CD160: variants seen among roughly 807,000 people sequenced by gnomAD.
The protein encoded by CD160 is CD160 molecule, also known as CD160 antigen.
Under a neutral mutation model 19.2 loss-of-function variants are expected in CD160, and 11 were observed. That is an observed-to-expected ratio of 0.57 (90% CI 0.36 to 0.95). The LOEUF (loss-of-function observed/expected upper bound fraction) is 0.95. Ranked by LOEUF, CD160 falls within the 40% of genes least tolerant of loss-of-function variation. CD160 has a pLI of 0.01. For synonymous variants in CD160, 75 were observed against 81.1 expected (o/e 0.93, Z 0.40); for missense variants, 182 against 213.2 (o/e 0.85, Z 0.91).
chr1:145,727,315 G>A (rs1288781279), intron 2 of CD160, among the ~76,000 whole-genome samples: 2 of 147,560 alleles, frequency 1.4e-5, no homozygotes, highest in African/African-American at 5.0e-5. Context: ...ATAATATTTT[G>A]TCACATAGAT....
chr1:145,733,132 TTC>T (rs1553709644), intron 4 of CD160, among the ~76,000 whole-genome samples: 4 of 152,144 alleles, frequency 2.6e-5, no homozygotes, highest in Non-Finnish European at 1.5e-5. Flanking sequence ...ACTTTTTTTT[TTC>T]TTTTTCTTTG....
At chr1:145,738,351 C>T (rs1329414895) in intron 5 of CD160, 135 bp from the exon 6 acceptor site, 1 of 496,866 alleles carries the variant, frequency 2.0e-6, no homozygotes, top group African/African-American at 2.0e-5. Flanking sequence ...ATAGTTCCCA[C>T]TTTCCTTTTC....
chr1:145,737,369 C>T (rs1161523524), intron 5 of CD160: 1 of 152,136 alleles, frequency 6.6e-6, no homozygotes, highest in East Asian at 1.9e-4. Flanking sequence ...GCACCTCTTA[C>T]ATCCTTCACC....
At chr1:145,726,032 A>G (rs1159239726) in intron 2 of CD160, among the ~76,000 whole-genome samples, 1 of 152,186 alleles carries the variant, frequency 6.6e-6, no homozygotes, top group Non-Finnish European at 1.5e-5. Context: ...AGATATAATG[A>G]ATGATATAAA....
At chr1:145,723,569 T>C (rs1266209773) in intron 1 of CD160, among the ~76,000 whole-genome samples, 1 of 152,200 alleles carries the variant, frequency 6.6e-6, no homozygotes, top group Non-Finnish European at 1.5e-5. Flanking sequence ...CAGTGGGTCT[T>C]CACCTGTTTC....
At position 145,736,028 on chromosome 1, in the gene CD160, A is replaced by G; in HGVS notation, c.432A>G (p.Lys144=). The G allele has an allele frequency of 6.2e-7, 1 of 1,613,904 alleles. No homozygotes were observed. Among genetic ancestry groups the G allele is most frequent in the East Asian group, 2.2e-5 (1 of 44,882 alleles). The part of the protein sequence containing the change: ...ETGNYTVTGL[K]QRQHLEFSHN... ...GGAACTACACAGTGACGGGATTGAA[A>G]CAAAGACAACACCTTGAGTTCAGCC... The change falls in exon 5 of 6, where the codon AAA becomes AAG. Residue 144 remains lysine, a synonymous_variant. Transcript: ENST00000369288.
intron 1 of CD160, 41 bp from the exon 2 acceptor site, chr1:145,724,760 G>C (rs1229826979): frequency 6.6e-6 from 1 of 151,794 alleles, no homozygotes; most frequent in Non-Finnish European, 1.5e-5. Context: ...TGGTTAATTT[G>C]TGTGTGTGTG....
Position 145,728,267 on chromosome 1 carries a change from CA to C in CD160, c.-59del. On this transcript the variant is annotated 5_prime_UTR_variant, in exon 3 of 6. Coordinates refer to ENST00000369288, the MANE Select transcript of CD160 (RefSeq NM_007053.4). Reference sequence around the variant, plus strand: ...CCCTGTGCTTTTAGGAGACTGAAGCCAAGGATACCAGCAGAGCCAACATTTG... The same window carrying C: ...CCCTGTGCTTTTAGGAGACTGAAGCCAGGATACCAGCAGAGCCAACATTTG... The C allele has an allele frequency of 7.7e-7, 1 of 1,295,270 alleles. No homozygotes were observed. The highest frequency in any genetic ancestry group is 2.3e-5 in the East Asian group (1 of 43,422). The allele number at this position is 1,295,270 out of a possible 1,614,324, so 80.2% of individuals were successfully genotyped here.
intron 4 of CD160, among the ~76,000 whole-genome samples, chr1:145,735,238 A>G (rs1311630907): frequency 6.6e-6 from 1 of 152,220 alleles, no homozygotes; most frequent in African/African-American, 2.4e-5. Context: ...TTGTCCTGTG[A>G]TAACTCAAGC....
At chr1:145,734,260 T>A (rs1483984237) in intron 4 of CD160, among the ~76,000 whole-genome samples, 4 of 152,176 alleles carry the variant, frequency 2.6e-5, no homozygotes, top group African/African-American at 9.7e-5. Context: ...GTCACCTTTG[T>A]ATCTCCCACA....
Position 145,738,534 on chromosome 1 carries a change from A to G in CD160, c.*41A>G. 2 of 1,289,300 alleles carry G rather than the reference A, an allele frequency of 1.6e-6. No individual in the cohort carries two copies. Among genetic ancestry groups the G allele is most frequent in the South Asian group, 6.2e-5 (2 of 32,356 alleles). The allele number at this position is 1,289,300 out of a possible 1,614,324, so 79.9% of individuals were successfully genotyped here. ...AAACTTTTAAAACAGCTACAGCAAGATGAGTCTGACTATGGCTTAGTATCT... is the reference window on the plus strand; with the variant it reads ...AAACTTTTAAAACAGCTACAGCAAGGTGAGTCTGACTATGGCTTAGTATCT... On this transcript the variant is annotated 3_prime_UTR_variant, in exon 6 of 6. Coordinates refer to ENST00000369288, the MANE Select transcript of CD160 (RefSeq NM_007053.4).
At chr1:145,726,420 T>C (rs1349333350) in intron 2 of CD160, among the ~76,000 whole-genome samples, 1 of 152,226 alleles carries the variant, frequency 6.6e-6, no homozygotes, top group Non-Finnish European at 1.5e-5. Context: ...GATGAGTTCA[T>C]GTCCTTTGCA....
At chr1:145,735,928 G>C in intron 4 of CD160, 69 bp from the exon 5 acceptor site, 1 of 1,063,542 alleles carries the variant, frequency 9.4e-7, no homozygotes, top group South Asian at 1.5e-5. Context: ...GATGTTATGA[G>C]ATGATGCAAA....
At chr1:145,735,000 G>A (rs1439030199) in intron 4 of CD160, among the ~76,000 whole-genome samples, 2 of 152,064 alleles carry the variant, frequency 1.3e-5, no homozygotes, top group Admixed American at 6.5e-5. Flanking sequence ...CCAGCTACTT[G>A]GGAGGCTGAG....
chr1:145,737,708 C>T (rs1286312430), intron 5 of CD160: 1 of 148,336 alleles, frequency 6.7e-6, no homozygotes, highest in South Asian at 2.2e-4. Context: ...AGCCATACAA[C>T]CTACTACTAG....
Position 145,738,642 on chromosome 1 carries a change from T to C in CD160, c.*149T>C, listed in dbSNP as rs2231376. ...AATATACCAAGAATCTGTGGAAATATAAGCTGGGGCAAATCAGTGTAATCC... is the reference window on the plus strand; with the variant it reads ...AATATACCAAGAATCTGTGGAAATACAAGCTGGGGCAAATCAGTGTAATCC... On this transcript the variant is annotated 3_prime_UTR_variant, in exon 6 of 6. Transcript: ENST00000369288. The C allele has an allele frequency of 5.9e-3, 2,921 of 499,248 alleles. 82 individuals carry two copies. The highest frequency in any genetic ancestry group is 0.052 in the African/African-American group (2,638 of 51,186). The allele number at this position is 499,248 out of a possible 1,614,324, so 30.9% of individuals were successfully genotyped here.
intron 3 of CD160, 147 bp from the exon 4 acceptor site, chr1:145,730,597 G>C (rs1318863498): frequency 3.1e-6 from 2 of 641,356 alleles, no homozygotes; most frequent in Non-Finnish European, 5.4e-6. Context: ...CATCGATAGA[G>C]CTGGAATTTG....
At chr1:145,732,697 C>T (rs114191319) in intron 4 of CD160, among the ~76,000 whole-genome samples, 53 of 152,062 alleles carry the variant, frequency 3.5e-4, no homozygotes, top group Non-Finnish European at 6.9e-4. Context: ...AAAACTCTGC[C>T]AGTAAAAAAA....
intron 2 of CD160, among the ~76,000 whole-genome samples, chr1:145,725,594 AT>A (rs1657025817): frequency 6.6e-6 from 1 of 152,172 alleles, no homozygotes; most frequent in Non-Finnish European, 1.5e-5. Flanking sequence ...TTTAGTTGAT[AT>A]TTAAAGGCAA....
Sources: allele counts gnomAD v4.1 joint callset (sites outside exome capture counted in the v4.1 genomes callset), GRCh38; gene constraint gnomAD v4.1.1; transcripts MANE v1.5; gene names NCBI Gene and HGNC (gene_info 2026-07-23, HGNC 2026-07-21).